Variants in SLC9A9 observed in about 807,000 individuals in gnomAD.
SLC9A9 encodes sodium/hydrogen exchanger 9.
SLC9A9 carries 62 observed loss-of-function variants against 77.8 expected under a neutral mutation model. That is an observed-to-expected ratio of 0.80 (90% CI 0.65 to 0.98). The LOEUF (loss-of-function observed/expected upper bound fraction) is 0.98, where lower values mean the gene tolerates loss of function less well. SLC9A9 is among the 50% of genes least tolerant of loss of function. SLC9A9 has a pLI of 0.00. For missense variants in SLC9A9, 775 were observed against 774.9 expected (o/e 1.00, Z 0.00); for synonymous variants, 320 against 283.5 (o/e 1.13, Z -1.29).
chr3:143,347,897 T>A (rs907569306), intron 14 of SLC9A9, among the ~76,000 whole-genome samples: 2 of 152,178 alleles, frequency 1.3e-5, no homozygotes, highest in Non-Finnish European at 2.9e-5. Context: ...TCAATTTAAA[T>A]TATCTCATAA....
chr3:143,791,362 C>T (rs1019205200), intron 4 of SLC9A9, among the ~76,000 whole-genome samples: 3 of 152,126 alleles, frequency 2.0e-5, no homozygotes, highest in African/African-American at 7.2e-5. Context: ...GCAAATAAAC[C>T]CAATGATCTC....
intron 4 of SLC9A9, among the ~76,000 whole-genome samples, chr3:143,724,457 C>T (rs1196291633): frequency 6.6e-6 from 1 of 152,188 alleles, no homozygotes; most frequent in East Asian, 1.9e-4. Flanking sequence ...GACTAACACA[C>T]ATGTCTTCAT....
intron 11 of SLC9A9, 71 bp from the exon 12 acceptor site, chr3:143,467,261 T>C (rs1398004434): frequency 4.5e-6 from 7 of 1,568,814 alleles, no homozygotes; most frequent in Middle Eastern, 1.7e-4. Context: ...GATTCATCTT[T>C]ACAATTTGCT....
intron 6 of SLC9A9, among the ~76,000 whole-genome samples, chr3:143,618,620 C>A (rs1270941668): frequency 6.6e-6 from 1 of 152,136 alleles, no homozygotes; most frequent in Non-Finnish European, 1.5e-5. Flanking sequence ...TTAGGACCAA[C>A]CTGGCACGAT....
chr3:143,743,205 AGATGGATGGATGGATG>A (rs34152223), intron 4 of SLC9A9, among the ~76,000 whole-genome samples: 7,582 of 139,606 alleles, frequency 0.054, 280 homozygotes, highest in Non-Finnish European at 0.069. Flanking sequence ...ATAGATGGAT[AGATGGATGGATGGATG>A]GATGGATGGA....
chr3:143,786,932 A>G (rs542710579), intron 4 of SLC9A9, among the ~76,000 whole-genome samples: 1 of 152,284 alleles, frequency 6.6e-6, no homozygotes, highest in Non-Finnish European at 1.5e-5. Flanking sequence ...TGAAGAAGAC[A>G]TGGTTTGGAA....
At chr3:143,804,717 A>G (rs936442974) in intron 2 of SLC9A9, among the ~76,000 whole-genome samples, 2 of 152,142 alleles carry the variant, frequency 1.3e-5, no homozygotes, top group African/African-American at 4.8e-5. Flanking sequence ...CACCAACACG[A>G]CAAAAAAGAG....
At chr3:143,694,301 AC>A (rs1405645497) in intron 4 of SLC9A9, among the ~76,000 whole-genome samples, 1 of 152,112 alleles carries the variant, frequency 6.6e-6, no homozygotes, top group Non-Finnish European at 1.5e-5. Context: ...TTTCAGACCT[AC>A]CGGCATTTAA....
chr3:143,470,760 AAGG>A (rs796607392), intron 11 of SLC9A9, among the ~76,000 whole-genome samples: 1 of 152,210 alleles, frequency 6.6e-6, no homozygotes, highest in South Asian at 2.1e-4. Flanking sequence ...TATTAAGGGC[AAGG>A]AGGTAAGCAA....
intron 4 of SLC9A9, among the ~76,000 whole-genome samples, chr3:143,747,181 G>A (rs953599634): frequency 7.2e-5 from 11 of 152,162 alleles, no homozygotes; most frequent in Middle Eastern, 3.4e-3. Flanking sequence ...TGAGGTGGGC[G>A]GATCATGAGG....
chr3:143,353,196 G>T (rs961362935), intron 14 of SLC9A9, among the ~76,000 whole-genome samples: 3 of 152,156 alleles, frequency 2.0e-5, no homozygotes, highest in African/African-American at 7.2e-5. Flanking sequence ...ACTTCAGTGT[G>T]GCTTCCTGGC....
chr3:143,409,840 GA>G (rs559862844), intron 12 of SLC9A9, among the ~76,000 whole-genome samples: 100 of 152,272 alleles, frequency 6.6e-4, no homozygotes, highest in African/African-American at 2.2e-3. Flanking sequence ...TCCCAAGATC[GA>G]AATTTCTTGG....
intron 12 of SLC9A9, among the ~76,000 whole-genome samples, chr3:143,428,581 G>A (rs1471173177): frequency 6.6e-6 from 1 of 152,308 alleles, no homozygotes; most frequent in South Asian, 2.1e-4. Context: ...AACCCCATTA[G>A]TGGGTGTGTA....
chr3:143,524,511 G>A (rs1037181372), intron 9 of SLC9A9, among the ~76,000 whole-genome samples: 1 of 152,104 alleles, frequency 6.6e-6, no homozygotes, highest in Non-Finnish European at 1.5e-5. Flanking sequence ...TAGGTCAATG[G>A]CCATTTTGAA....
intron 4 of SLC9A9, among the ~76,000 whole-genome samples, chr3:143,756,926 T>C (rs1168078885): frequency 6.6e-6 from 1 of 152,214 alleles, no homozygotes; most frequent in Non-Finnish European, 1.5e-5. Flanking sequence ...TATTTTTAAT[T>C]GTGCTGTTAC....
At chr3:143,424,432 C>A (rs915417487) in intron 12 of SLC9A9, among the ~76,000 whole-genome samples, 2 of 151,998 alleles carry the variant, frequency 1.3e-5, no homozygotes, top group African/African-American at 2.4e-5. Context: ...CGCCCACCAC[C>A]ACACCCGGCT....
At chr3:143,291,777 T>C (rs1390751274) in intron 14 of SLC9A9, among the ~76,000 whole-genome samples, 2 of 152,224 alleles carry the variant, frequency 1.3e-5, no homozygotes, top group African/African-American at 4.8e-5. Context: ...TCCAAATTGA[T>C]TACATGTTAC....
At chr3:143,469,153 T>C (rs1232607667) in intron 11 of SLC9A9, among the ~76,000 whole-genome samples, 3 of 151,638 alleles carry the variant, frequency 2.0e-5, no homozygotes, top group Admixed American at 1.3e-4. Context: ...GAGTGAGACT[T>C]CATCTCAAAC....
At chr3:143,320,910 C>T (rs541338020) in intron 14 of SLC9A9, among the ~76,000 whole-genome samples, 1 of 152,216 alleles carries the variant, frequency 6.6e-6, no homozygotes, top group African/African-American at 2.4e-5. Context: ...GAAATTTGTA[C>T]ATAGAGACAC....
Sources: gnomAD v4.1 joint callset for allele counts (sites outside exome capture counted in the v4.1 genomes callset) on GRCh38, gnomAD v4.1.1 for gene constraint, MANE v1.5 for transcripts, NCBI Gene and HGNC (gene_info 2026-07-23, HGNC 2026-07-21) for gene names.